PRKCE: variants seen among roughly 807,000 people sequenced by gnomAD.
PRKCE encodes the protein protein kinase C epsilon type.
PRKCE carries 16 observed loss-of-function variants against 85.4 expected under a neutral mutation model. The observed-to-expected ratio is 0.19, with a 90% CI of 0.13 to 0.28. The LOEUF is 0.28. PRKCE is among the 10% of genes least tolerant of loss of function. The probability of loss-of-function intolerance (pLI) is 1.00; values close to 1 mark genes in which losing one functional copy is unlikely to be tolerated. For synonymous variants in PRKCE, 388 were observed against 371.5 expected (o/e 1.04, Z -0.51); for missense variants, 573 against 975.2 (o/e 0.59, Z 5.49).
intron 1 of PRKCE, among the ~76,000 whole-genome samples, chr2:45,787,368 G>T (rs576559854): frequency 3.4e-4 from 51 of 152,142 alleles, no homozygotes; most frequent in African/African-American, 1.2e-3. Context: ...GAGAGAGAGA[G>T]ACACAAAGTC....
At chr2:45,922,829 C>T (rs143250922) in intron 2 of PRKCE, among the ~76,000 whole-genome samples, 44 of 152,322 alleles carry the variant, frequency 2.9e-4, no homozygotes, top group Admixed American at 7.8e-4. Context: ...TGTGCTTAAA[C>T]GCCTAAGAAC....
chr2:46,156,403 G>A (rs2104560445), intron 13 of PRKCE, among the ~76,000 whole-genome samples: 1 of 152,302 alleles, frequency 6.6e-6, no homozygotes, highest in South Asian at 2.1e-4. Flanking sequence ...TTGATTCTCT[G>A]GCAGTTACGT....
intron 1 of PRKCE, among the ~76,000 whole-genome samples, chr2:45,802,561 G>A (rs1433781629): frequency 3.3e-5 from 5 of 152,118 alleles, no homozygotes; most frequent in African/African-American, 2.4e-5. Context: ...CTGTCTTCTG[G>A]TGTAATCTTC....
At chr2:45,969,601 A>G (rs965177193) in intron 2 of PRKCE, among the ~76,000 whole-genome samples, 1 of 151,994 alleles carries the variant, frequency 6.6e-6, no homozygotes. Context: ...CCCCTTCTCC[A>G]CGGCAAGCTG....
chr2:46,001,507 C>A lies in PRKCE; in HGVS notation c.927C>A (p.Thr309=), dbSNP rs767629792. Residue 309 remains threonine, a synonymous_variant, in exon 7 of 15, where the codon ACC becomes ACA. Transcript: ENST00000306156. This position sits in a 1 kb window ranked among gnomAD's most constrained non-coding sequence, Gnocchi z 4.4. The part of the protein sequence containing the change: ...IAKVLADLGV[T]PDKITNSGQR... ...AAGTACTGGCCGACCTGGGCGTTACCCCAGACAAAATCACCAACAGCGGCC... is the reference window on the plus strand; with the variant it reads ...AAGTACTGGCCGACCTGGGCGTTACACCAGACAAAATCACCAACAGCGGCC... The A allele has an allele frequency of 1.3e-6, 2 of 1,599,158 alleles. No homozygotes were observed. Among genetic ancestry groups the A allele is most frequent in the Admixed American group, 3.3e-5 (2 of 59,988 alleles).
At chr2:45,981,816 C>T (rs890823009) in intron 5 of PRKCE, among the ~76,000 whole-genome samples, 16 of 152,206 alleles carry the variant, frequency 1.1e-4, no homozygotes, top group Admixed American at 6.5e-4. Flanking sequence ...GTACACTAGT[C>T]CCTCCCTCAA....
intron 1 of PRKCE, among the ~76,000 whole-genome samples, chr2:45,762,374 C>T (rs2104837239): frequency 6.6e-6 from 1 of 152,270 alleles, no homozygotes; most frequent in Middle Eastern, 3.4e-3. Context: ...TGCCTTTTTC[C>T]CTGATCAGTC....
Position 46,163,651 on chromosome 2 carries a change from G to A in PRKCE, c.2067+3899G>A, listed in dbSNP as rs531456810. On this transcript the variant is annotated intron_variant, in intron 14 of 14. Coordinates refer to ENST00000306156, the MANE Select transcript of PRKCE (RefSeq NM_005400.3). ...CCACAGAGGCCACTGAGAGACACAG[G>A]GAAGCTGAGGCACACCCCACAGAGG... is the stretch of plus-strand genomic sequence containing the variant. Among the ~76,000 whole-genome samples, 9 of 145,908 alleles carry A rather than the reference G, an allele frequency of 6.2e-5. No individual in the cohort carries two copies. The South Asian group carries it at 1.9e-3, about 30-fold the overall frequency.
chr2:45,726,545 T>A (rs185175060), intron 1 of PRKCE, among the ~76,000 whole-genome samples: 3 of 152,326 alleles, frequency 2.0e-5, no homozygotes, highest in Non-Finnish European at 2.9e-5. Context: ...GTATGTACAT[T>A]TTTAGACATA....
chr2:45,720,924 T>C (rs1357239823), intron 1 of PRKCE, among the ~76,000 whole-genome samples: 1 of 152,072 alleles, frequency 6.6e-6, no homozygotes. Context: ...CTGGCCAATA[T>C]GGTGAAACCC....
intron 11 of PRKCE, among the ~76,000 whole-genome samples, chr2:46,115,080 G>A (rs763238967): frequency 6.6e-6 from 1 of 152,178 alleles, no homozygotes; most frequent in African/African-American, 2.4e-5. Flanking sequence ...CTATAGAATT[G>A]TTCCATCTGA....
chr2:46,023,867 C>G (rs1199287755), intron 10 of PRKCE, among the ~76,000 whole-genome samples: 1 of 141,770 alleles, frequency 7.1e-6, no homozygotes, highest in African/African-American at 2.8e-5. Flanking sequence ...TCATCTTTGG[C>G]TCAATAACAA....
At chr2:46,106,179 A>G (rs937966628) in intron 11 of PRKCE, among the ~76,000 whole-genome samples, 5 of 152,224 alleles carry the variant, frequency 3.3e-5, no homozygotes, top group Non-Finnish European at 7.3e-5. Context: ...GTTGAAACTC[A>G]TGTTGTTCAA....
intron 10 of PRKCE, among the ~76,000 whole-genome samples, chr2:46,070,440 A>G (rs574066707): frequency 2.0e-5 from 3 of 152,300 alleles, no homozygotes; most frequent in South Asian, 4.1e-4. Flanking sequence ...TCAGGAGATC[A>G]AGACCATCCT....
In PRKCE at chr2:45,761,219, C is replaced by T. The variant is rs191482664; in HGVS notation, c.349-81781C>T. On this transcript the variant is annotated intron_variant, in intron 1 of 14. Coordinates refer to ENST00000306156, the MANE Select transcript of PRKCE (RefSeq NM_005400.3). The stretch of plus-strand genomic sequence containing the variant: ...GTGGGCGCCTGTGGTCTCAGCTACT[C>T]GGGAGGCTGAGGCAGGAGAATGGCG... Among the ~76,000 whole-genome samples the T allele has an allele frequency of 2.9e-3, 421 of 145,062 alleles. 17 individuals are homozygous for T. In the East Asian group the frequency reaches 0.079, roughly 27 times the overall value.
At chr2:45,955,207 C>T (rs1285438334) in intron 2 of PRKCE, among the ~76,000 whole-genome samples, 2 of 152,086 alleles carry the variant, frequency 1.3e-5, no homozygotes, top group Admixed American at 6.5e-5. Context: ...GCCCTGATAT[C>T]GAAAGGTTTC....
rs10185201 is a variant in PRKCE, at chr2:45,895,025, G to A, written c.412+51962G>A. On this transcript the variant is annotated intron_variant, in intron 2 of 14. Coordinates refer to ENST00000306156, the MANE Select transcript of PRKCE (RefSeq NM_005400.3). The surrounding 1 kb of genome is among the most constrained non-coding windows in gnomAD (Gnocchi z 4.8). ...GGCATCAGCCCCTGTGCCCCCGTTC[G>A]TTTGTTTTGAGTGAACACATAAATG... is the stretch of plus-strand genomic sequence containing the variant. 0.21 allele frequency among the ~76,000 whole-genome samples: 32,153 copies of A among 152,136 alleles called. 3,763 individuals are homozygous for A. Among genetic ancestry groups the A allele is most frequent in the East Asian group, 0.41 (2,097 of 5,174 alleles).
intron 1 of PRKCE, among the ~76,000 whole-genome samples, chr2:45,661,980 C>G (rs546513245): frequency 1.3e-5 from 2 of 152,042 alleles, no homozygotes; most frequent in Admixed American, 6.5e-5. Context: ...TCTTCTTTCC[C>G]CAGGCAGATA....
intron 2 of PRKCE, among the ~76,000 whole-genome samples, chr2:45,975,489 C>T (rs911113097): frequency 1.3e-5 from 2 of 152,160 alleles, no homozygotes; most frequent in African/African-American, 4.8e-5. Context: ...TCTTCCTCCT[C>T]TTATAAGGAC....
Sources: gnomAD v4.1 joint callset for allele counts (sites outside exome capture counted in the v4.1 genomes callset) on GRCh38, gnomAD v4.1.1 for gene constraint, Gnocchi (gnomAD v3.1) non-coding constraint, MANE v1.5 for transcripts, NCBI Gene and HGNC (gene_info 2026-07-23, HGNC 2026-07-21) for gene names.